Variants in XPA observed in about 807,000 individuals in gnomAD.
XPA encodes the protein DNA repair protein complementing XP-A cells.
A neutral mutation model predicts 35.7 loss-of-function variants in XPA; 27 were observed. The observed-to-expected ratio is 0.76, with a 90% confidence interval of 0.56 to 1.04. XPA has a LOEUF of 1.04. XPA is among the 50% of genes least tolerant of loss of function. XPA has a pLI of 0.00. For synonymous variants in XPA, 133 were observed against 118.4 expected (o/e 1.12, Z -0.80); for missense variants, 354 against 342.7 (o/e 1.03, Z -0.26).
At chr9:97,684,815 AAAAC>A in intron 5 of XPA, 104 bp downstream of exon 5, 3 of 1,044,542 alleles carry the variant, frequency 2.9e-6, no homozygotes, top group Non-Finnish European at 4.4e-6. Context: ...CAACCTCTAA[AAAAC>A]ACATTCCAAT....
the XPA span, chr9:97,669,576 T>A: frequency 2.4e-5 from 37 of 1,554,100 alleles, no homozygotes; most frequent in South Asian, 2.0e-4. Context: ...CTACCTTAAC[T>A]TCTTCTCCCT....
chr9:97,677,414 A>G (rs898213538), intron 5 of XPA, among the ~76,000 whole-genome samples: 2 of 152,268 alleles, frequency 1.3e-5, no homozygotes, highest in South Asian at 2.1e-4. Flanking sequence ...GGCCAGGTGC[A>G]ATGGCTCATG....
At chr9:97,655,207 C>A in the XPA span, among the ~76,000 whole-genome samples, 1 of 152,082 alleles carries the variant, frequency 6.6e-6, no homozygotes, top group Non-Finnish European at 1.5e-5. Context: ...AATGTTTTAT[C>A]TGCAATTTCT....
chr9:97,684,172 CA>C (rs1211631692), intron 5 of XPA, among the ~76,000 whole-genome samples: 1 of 152,178 alleles, frequency 6.6e-6, no homozygotes, highest in Non-Finnish European at 1.5e-5. Flanking sequence ...TCTCTCCTGA[CA>C]AACTCTGACT....
At chr9:97,668,405 T>G in the XPA span, among the ~76,000 whole-genome samples, 1 of 152,204 alleles carries the variant, frequency 6.6e-6, no homozygotes, top group African/African-American at 2.4e-5. Flanking sequence ...ACAGCCCACT[T>G]TGAATTATTA....
At chr9:97,680,809 T>C (rs1008098909) in intron 5 of XPA, among the ~76,000 whole-genome samples, 1 of 152,180 alleles carries the variant, frequency 6.6e-6, no homozygotes, top group African/African-American at 2.4e-5. Context: ...AAAAGGTCTG[T>C]AGGTCTGAAA....
chr9:97,693,500 C>A, intron 2 of XPA, 149 bp downstream of exon 2: 1 of 709,984 alleles, frequency 1.4e-6, no homozygotes, highest in Non-Finnish European at 2.3e-6. Flanking sequence ...AATCTACTAG[C>A]AAAACTGCCA....
the XPA span, chr9:97,661,930 T>G: frequency 6.9e-6 from 4 of 579,900 alleles, no homozygotes; most frequent in Admixed American, 3.4e-5. Flanking sequence ...CAAAAAACAT[T>G]ACACAAATAT....
At chr9:97,674,581 C>T (rs1828292413), downstream of XPA, among the ~76,000 whole-genome samples, 3 of 152,216 alleles carry the variant, frequency 2.0e-5, no homozygotes, top group African/African-American at 7.2e-5. Context: ...TGACAAGCTA[C>T]AGGAAAATTT....
At chr9:97,687,354 A>G in intron 3 of XPA, 93 bp from the exon 4 acceptor site, 1 of 1,107,864 alleles carries the variant, frequency 9.0e-7, no homozygotes, top group Non-Finnish European at 1.2e-6. Context: ...ACACAGCAAA[A>G]AGGACATATA....
At chr9:97,684,224 A>C (rs996184838) in intron 5 of XPA, among the ~76,000 whole-genome samples, 1 of 152,208 alleles carries the variant, frequency 6.6e-6, no homozygotes, top group African/African-American at 2.4e-5. Context: ...CATAGCTGAC[A>C]CTTAGTAAAT....
the XPA span, chr9:97,663,095 T>C: frequency 7.2e-7 from 1 of 1,384,668 alleles, no homozygotes; most frequent in Non-Finnish European, 1.0e-6. Context: ...TGTATGGGTA[T>C]AAAAATAAGG....
chr9:97,686,772 CA>C (rs1203332346), intron 4 of XPA, among the ~76,000 whole-genome samples: 1 of 151,930 alleles, frequency 6.6e-6, no homozygotes. Flanking sequence ...ACAAAAAATA[CA>C]AAAAACTAGC....
At chr9:97,660,195 T>C in the XPA span, among the ~76,000 whole-genome samples, 3 of 152,232 alleles carry the variant, frequency 2.0e-5, no homozygotes, top group African/African-American at 4.8e-5. Flanking sequence ...AATATGACTG[T>C]CCTCACATGA....
At chr9:97,678,465 C>T (rs1828437888) in intron 5 of XPA, among the ~76,000 whole-genome samples, 1 of 152,072 alleles carries the variant, frequency 6.6e-6, no homozygotes, top group African/African-American at 2.4e-5. Flanking sequence ...AAGCTAGTCA[C>T]TAGGCCAAAT....
chr9:97,688,096 A>G (rs999009939), intron 3 of XPA, among the ~76,000 whole-genome samples: 1 of 152,218 alleles, frequency 6.6e-6, no homozygotes, highest in African/African-American at 2.4e-5. Context: ...TAAAACTATC[A>G]TCTTTGATGA....
chr9:97,664,314 T>TTACTTGAATAATTCTCTCATTGTAGATGA, the XPA span: 1 of 1,425,048 alleles, frequency 7.0e-7, no homozygotes, highest in Non-Finnish European at 9.9e-7. Context: ...TGTGTGTGAT[T>TTACTTGAATAATTCTCTCATTGTAGATGA]TACTTGAATA....
chr9:97,670,650 G>A (rs1478707246), downstream of XPA, among the ~76,000 whole-genome samples: 2 of 152,170 alleles, frequency 1.3e-5, no homozygotes, highest in Non-Finnish European at 1.5e-5. Context: ...GAGTATTCAT[G>A]GCTTATAGAG....
the XPA span, chr9:97,669,490 CAG>C: frequency 2.8e-6 from 2 of 721,716 alleles, no homozygotes; most frequent in Admixed American, 4.8e-5. Context: ...ACCACAAAGA[CAG>C]GGTGGAACAG....
Sources: allele counts gnomAD v4.1 joint callset (sites outside exome capture counted in the v4.1 genomes callset), GRCh38; gene constraint gnomAD v4.1.1; transcripts MANE v1.5; gene names NCBI Gene and HGNC (gene_info 2026-07-23, HGNC 2026-07-21).